Variants in MYO5B observed in about 807,000 individuals in gnomAD.
MYO5B encodes unconventional myosin-Vb.
In MYO5B, 143 loss-of-function variants were observed where a neutral mutation model predicts 229.3. That is an observed-to-expected ratio of 0.62 (90% CI 0.54 to 0.72). The LOEUF (loss-of-function observed/expected upper bound fraction) is 0.72. Ranked by LOEUF, MYO5B falls within the 30% of genes least tolerant of loss-of-function variation. MYO5B has a pLI of 0.00. For synonymous variants in MYO5B, 918 were observed against 885.2 expected, an observed-to-expected ratio of 1.04 and a Z score of -0.66; for missense variants, 2,321 against 2,331.0, an observed-to-expected ratio of 1.00 and a Z score of 0.09.
intron 30 of MYO5B, among the ~76,000 whole-genome samples, chr18:49,855,320 G>C (rs1242187302): frequency 6.6e-6 from 1 of 152,192 alleles, no homozygotes; most frequent in Non-Finnish European, 1.5e-5. Context: ...GTGCAGGTGA[G>C]AAAACTAAGG....
chr18:50,003,891 G>A (rs1302479529), intron 4 of MYO5B, among the ~76,000 whole-genome samples: 5 of 152,204 alleles, frequency 3.3e-5, no homozygotes, highest in Non-Finnish European at 5.9e-5. Flanking sequence ...ATGTCAGGAG[G>A]AAATGAATCC....
intron 2 of MYO5B, among the ~76,000 whole-genome samples, chr18:50,042,099 C>CCTT (rs776862695): frequency 7.7e-4 from 117 of 152,282 alleles, no homozygotes; most frequent in Non-Finnish European, 1.5e-3. Flanking sequence ...AACAGTTACA[C>CCTT]CACTTGTGGG....
chr18:49,834,462 T>C (rs2023961591), intron 39 of MYO5B, among the ~76,000 whole-genome samples: 1 of 152,176 alleles, frequency 6.6e-6, no homozygotes, highest in Non-Finnish European at 1.5e-5. Flanking sequence ...ATGACTATCA[T>C]TCCAACACTG....
intron 1 of MYO5B, among the ~76,000 whole-genome samples, chr18:50,124,911 G>T (rs1051178896): frequency 2.0e-5 from 3 of 151,100 alleles, no homozygotes; most frequent in Non-Finnish European, 4.4e-5. Flanking sequence ...ACTGGGAGAG[G>T]ACAGAGGCTG....
intron 1 of MYO5B, among the ~76,000 whole-genome samples, chr18:50,080,493 T>G (rs924089898): frequency 3.3e-5 from 5 of 152,132 alleles, no homozygotes; most frequent in Non-Finnish European, 5.9e-5. Flanking sequence ...ATACAGCATG[T>G]GGGGGAAACC....
intron 30 of MYO5B, among the ~76,000 whole-genome samples, chr18:49,854,998 T>C (rs2024244143): frequency 6.6e-6 from 1 of 152,208 alleles, no homozygotes; most frequent in Non-Finnish European, 1.5e-5. Context: ...CAGGCGATAT[T>C]ACCTATTACT....
At chr18:49,886,272 A>G (rs1249345516) in intron 22 of MYO5B, among the ~76,000 whole-genome samples, 1 of 152,176 alleles carries the variant, frequency 6.6e-6, no homozygotes, top group Non-Finnish European at 1.5e-5. Context: ...ACCCCTTCAA[A>G]TTTAAGGAGT....
intron 16 of MYO5B, 40 bp downstream of exon 16, chr18:49,936,199 CACCTGAACCTCTA>C (rs750612979): frequency 2.0e-6 from 3 of 1,478,632 alleles, no homozygotes; most frequent in Non-Finnish European, 2.8e-6. Context: ...CACCCTGTTC[CACCTGAACCTCTA>C]AGGCTGGGCT....
intron 4 of MYO5B, among the ~76,000 whole-genome samples, chr18:50,032,027 A>G (rs1414396593): frequency 6.6e-6 from 1 of 152,166 alleles, no homozygotes; most frequent in Admixed American, 6.5e-5. Flanking sequence ...TGTTAATAGA[A>G]TACATTTCTT....
intron 29 of MYO5B, among the ~76,000 whole-genome samples, chr18:49,857,701 C>G (rs761106260): frequency 2.0e-5 from 3 of 152,240 alleles, no homozygotes; most frequent in Non-Finnish European, 4.4e-5. Context: ...AACTCTTTTG[C>G]TGTGTCCAAG....
At chr18:50,007,368 T>G (rs1308429928) in intron 4 of MYO5B, among the ~76,000 whole-genome samples, 1 of 152,162 alleles carries the variant, frequency 6.6e-6, no homozygotes, top group Non-Finnish European at 1.5e-5. Flanking sequence ...TCTGTACCTT[T>G]TAGTCCACAC....
At position 49,980,568 on chromosome 18, in the gene MYO5B, T is replaced by C. The variant is rs1176483944; in HGVS notation, c.947-15A>G. On this transcript the variant is annotated splice_polypyrimidine_tract_variant and intron_variant, in intron 8 of 39. Transcript: ENST00000285039. ...CTCTTTCACTCCTGGAAAAGAAAAA[T>C]GAATGGATGACACTCAGTATCCATG... The C allele has an allele frequency of 9.1e-6, 14 of 1,530,684 alleles. No homozygotes were observed. The highest frequency in any genetic ancestry group is 1.2e-5 in the Non-Finnish European group (13 of 1,104,218). The allele number at this position is 1,530,684 out of a possible 1,614,324, so 94.8% of individuals were successfully genotyped here. A position where few individuals can be genotyped will look rare whatever the true frequency, so the allele number is the denominator to read the frequency against.
At chr18:50,095,811 T>C (rs2031539051) in intron 1 of MYO5B, among the ~76,000 whole-genome samples, 2 of 152,254 alleles carry the variant, frequency 1.3e-5, no homozygotes, top group African/African-American at 4.8e-5. Flanking sequence ...ATATGGGTCA[T>C]GCCACTGAAA....
At chr18:50,073,571 G>GC (rs1452504611) in intron 1 of MYO5B, among the ~76,000 whole-genome samples, 2 of 152,080 alleles carry the variant, frequency 1.3e-5, no homozygotes, top group Non-Finnish European at 1.5e-5. Context: ...ACATAATCCT[G>GC]CTGGGATCTT....
chr18:49,934,694 G>A (rs552336297), intron 16 of MYO5B, among the ~76,000 whole-genome samples: 1 of 152,296 alleles, frequency 6.6e-6, no homozygotes, highest in South Asian at 2.1e-4. Context: ...CCACCCAGGG[G>A]GAATTCCTAA....
intron 17 of MYO5B, among the ~76,000 whole-genome samples, chr18:49,913,433 A>C (rs1036424788): frequency 4.3e-4 from 66 of 152,144 alleles, no homozygotes; most frequent in African/African-American, 1.5e-3. Context: ...CCCTACTCTA[A>C]GGAGACTTTG....
intron 14 of MYO5B, among the ~76,000 whole-genome samples, chr18:49,945,801 G>A (rs1208130492): frequency 3.3e-5 from 5 of 151,970 alleles, no homozygotes; most frequent in African/African-American, 1.2e-4. Flanking sequence ...GGGCTCCATG[G>A]ACCAGGGCCA....
chr18:49,841,381 T>G lies in MYO5B; in HGVS notation c.4685A>C (p.Gln1562Pro). ...CCCACTCACCTCATCCCCGCTGTAC[T>G]GCTTCAGACAGTGAAGAAGGCGGCA... ...NTCRLLHCLK[Q>P]YSGDEGFMTQ... Residue 1562 changes from glutamine (Q) to proline (P), a missense_variant, in exon 35 of 40, where the codon CAG (glutamine) becomes CCG (proline). Gln to Pro is a moderately conservative substitution (Grantham distance 76). Around this residue, in one of 2 missense-constraint regions of MYO5B, gnomAD observed 2,113 missense variants for 2,044.7 expected, o/e 1.03. Transcript: ENST00000285039. 1.2e-6 allele frequency: 2 copies of G among 1,614,222 alleles called. No individual in the cohort carries two copies. The highest frequency in any genetic ancestry group is 1.7e-6 in the Non-Finnish European group (2 of 1,180,032).
intron 1 of MYO5B, among the ~76,000 whole-genome samples, chr18:50,092,928 G>C (rs1171540007): frequency 6.6e-6 from 1 of 152,106 alleles, no homozygotes; most frequent in African/African-American, 2.4e-5. Context: ...TGACAGATTT[G>C]ACAGCATGCA....
Sources: gnomAD v4.1 joint callset for allele counts (sites outside exome capture counted in the v4.1 genomes callset) on GRCh38, gnomAD v4.1.1 for gene constraint, gnomAD v4.1.1 regional missense constraint, MANE v1.5 for transcripts, NCBI Gene and HGNC (gene_info 2026-07-23, HGNC 2026-07-21) for gene names.